Variants in GNAQ observed in about 807,000 individuals in gnomAD.
GNAQ encodes the protein G protein subunit alpha q.
In GNAQ, 8 loss-of-function variants were observed where a neutral mutation model predicts 43.9. The observed-to-expected ratio is 0.18, with a 90% CI of 0.11 to 0.33. The LOEUF is 0.33. GNAQ is among the 10% of genes least tolerant of loss of function. The pLI, the probability that GNAQ is intolerant of heterozygous loss-of-function variation, is 1.00. For synonymous variants in GNAQ, 155 were observed against 170.7 expected, an observed-to-expected ratio of 0.91 and a Z score of 0.71; for missense variants, 158 against 450.8, an observed-to-expected ratio of 0.35 and a Z score of 5.88.
At chr9:78,018,586 G>C (rs1241063848) in intron 1 of GNAQ, among the ~76,000 whole-genome samples, 1 of 152,054 alleles carries the variant, frequency 6.6e-6, no homozygotes, top group Non-Finnish European at 1.5e-5. Flanking sequence ...TCTTAAGAAT[G>C]TCAGAACATT....
rs188262436 is a variant in GNAQ, at chr9:77,806,774, G to T, written c.476+8842C>A. Among the ~76,000 whole-genome samples the T allele has an allele frequency of 7.2e-5, 11 of 152,290 alleles. No individual in the cohort carries two copies. In the East Asian group the frequency reaches 1.9e-3, roughly 27 times the overall value. ...TTACGGAAAGTCTACAGTAAGCTAG[G>T]CACTAGGCTTAGGCTGAGCGTGAAC... is the stretch of plus-strand genomic sequence containing the variant. On this transcript the variant is annotated intron_variant, in intron 3 of 6. Transcript: ENST00000286548.
chr9:77,982,915 T>C (rs533985070), intron 1 of GNAQ, among the ~76,000 whole-genome samples: 1 of 152,210 alleles, frequency 6.6e-6, no homozygotes, highest in African/African-American at 2.4e-5. Flanking sequence ...AAATGCACGT[T>C]GTGCACATGT....
At chr9:77,902,604 T>C (rs1196807097) in intron 2 of GNAQ, among the ~76,000 whole-genome samples, 1 of 152,232 alleles carries the variant, frequency 6.6e-6, no homozygotes, top group Non-Finnish European at 1.5e-5. Flanking sequence ...AAGATCAAGA[T>C]GGTTTTCATA....
chr9:77,816,217 T>C (rs144632738), intron 2 of GNAQ, among the ~76,000 whole-genome samples: 25 of 152,274 alleles, frequency 1.6e-4, no homozygotes, highest in African/African-American at 6.0e-4. Context: ...AGAAACTCAA[T>C]CAGAATCCTC....
chr9:77,797,466 A>C, intron 4 of GNAQ, 54 bp downstream of exon 4: 1 of 1,400,832 alleles, frequency 7.1e-7, no homozygotes, highest in South Asian at 1.2e-5. Context: ...GAGTTTACCA[A>C]ATGTACTCAA....
At chr9:77,847,392 C>T (rs1210828134) in intron 2 of GNAQ, among the ~76,000 whole-genome samples, 1 of 152,146 alleles carries the variant, frequency 6.6e-6, no homozygotes, top group Admixed American at 6.5e-5. Flanking sequence ...GTTGCCAGTG[C>T]CACGAAAAAC....
chr9:77,993,052 T>C (rs1221668936), intron 1 of GNAQ, among the ~76,000 whole-genome samples: 1 of 152,214 alleles, frequency 6.6e-6, no homozygotes, highest in Non-Finnish European at 1.5e-5. Flanking sequence ...ATTCCAATAT[T>C]GTTAGCTAAA....
In GNAQ at chr9:77,829,605, C is replaced by T. The variant is rs542199337; in HGVS notation, c.322-13835G>A. Reference sequence around the variant, plus strand: ...TCTCGACACAGCTGCAGCTTTGTGGCCCACCCGCAGCCTTGAGAGCCCAAG... The same window carrying T: ...TCTCGACACAGCTGCAGCTTTGTGGTCCACCCGCAGCCTTGAGAGCCCAAG... On this transcript the variant is annotated intron_variant, in intron 2 of 6. Coordinates refer to ENST00000286548, the MANE Select transcript of GNAQ (RefSeq NM_002072.5). Among the ~76,000 whole-genome samples, 19 of 152,262 alleles carry T rather than the reference C, an allele frequency of 1.2e-4. 1 individual carries two copies. The highest frequency in any genetic ancestry group is 4.6e-4 in the African/African-American group (19 of 41,542).
At chr9:77,748,167 A>C (rs1337401978) in intron 5 of GNAQ, among the ~76,000 whole-genome samples, 2 of 152,358 alleles carry the variant, frequency 1.3e-5, no homozygotes, top group East Asian at 3.9e-4. Context: ...TGAAAGACAT[A>C]ATAACGGAAT....
At chr9:77,800,819 C>T (rs1826733627) in intron 3 of GNAQ, among the ~76,000 whole-genome samples, 1 of 152,164 alleles carries the variant, frequency 6.6e-6, no homozygotes, top group African/African-American at 2.4e-5. Flanking sequence ...AATTTATCAG[C>T]TTCTTGATTT....
At position 77,720,768 on chromosome 9, in the gene GNAQ, G is replaced by C. The variant is rs780389784; in HGVS notation, c.*555C>G. The C allele has an allele frequency of 2.6e-5, 6 of 233,210 alleles. No individual in the cohort carries two copies. Among genetic ancestry groups the C allele is most frequent in the Middle Eastern group, 1.2e-3 (1 of 804 alleles). 14.4% of individuals were successfully genotyped at this position (233,210 alleles called of 1,614,324 possible). A position where few individuals can be genotyped will look rare whatever the true frequency, so the allele number is the denominator to read the frequency against. Reference sequence around the variant, plus strand: ...TATCCAAAGCAACACATTTAAAACCGTAAGTATTAATACATATAATCCTTC... The same window carrying C: ...TATCCAAAGCAACACATTTAAAACCCTAAGTATTAATACATATAATCCTTC... On this transcript the variant is annotated 3_prime_UTR_variant, in exon 7 of 7. Coordinates refer to ENST00000286548, the MANE Select transcript of GNAQ (RefSeq NM_002072.5).
intron 5 of GNAQ, among the ~76,000 whole-genome samples, chr9:77,750,034 C>A (rs1309595229): frequency 6.6e-6 from 1 of 151,848 alleles, no homozygotes; most frequent in Non-Finnish European, 1.5e-5. Flanking sequence ...GTCTCTGTGG[C>A]CAAATGAATA....
intron 2 of GNAQ, among the ~76,000 whole-genome samples, chr9:77,868,318 C>T (rs1186500215): frequency 6.6e-6 from 1 of 152,132 alleles, no homozygotes; most frequent in Non-Finnish European, 1.5e-5. Context: ...CCTTTTCAAG[C>T]AAAAGGCCAA....
At chr9:77,770,893 T>C (rs1386554135) in intron 5 of GNAQ, among the ~76,000 whole-genome samples, 2 of 152,198 alleles carry the variant, frequency 1.3e-5, no homozygotes, top group Non-Finnish European at 2.9e-5. Flanking sequence ...AGATTTTTAT[T>C]TTTCAGATCA....
chr9:77,862,433 A>G (rs1008286679), intron 2 of GNAQ, among the ~76,000 whole-genome samples: 1 of 152,172 alleles, frequency 6.6e-6, no homozygotes, highest in African/African-American at 2.4e-5. Flanking sequence ...GTGCACATGC[A>G]GGCTAATACT....
intron 4 of GNAQ, 81 bp from the exon 5 acceptor site, chr9:77,794,673 C>A: frequency 1.4e-6 from 1 of 718,908 alleles, no homozygotes; most frequent in Non-Finnish European, 2.2e-6. Flanking sequence ...TACTTACAAA[C>A]TTAGGGAAAA....
chr9:77,880,609 AG>A (rs1461958071), intron 2 of GNAQ, among the ~76,000 whole-genome samples: 1 of 147,840 alleles, frequency 6.8e-6, no homozygotes, highest in African/African-American at 2.5e-5. Context: ...TATGTTGCCC[AG>A]GGTGGCATAT....
intron 5 of GNAQ, among the ~76,000 whole-genome samples, chr9:77,730,942 A>G (rs1269668553): frequency 1.3e-5 from 2 of 152,208 alleles, no homozygotes; most frequent in African/African-American, 4.8e-5. Flanking sequence ...CCCTGATGGG[A>G]GAGTGGTGTT....
chr9:77,718,374 T>C lies in GNAQ; in HGVS notation c.*2949A>G, dbSNP rs1044865884. Reference sequence around the variant, plus strand: ...CGAAGAAACAAAAAAGAAAATCCTTTAGCTTCGATTGACTGGTGTGGCTAA... The same window carrying C: ...CGAAGAAACAAAAAAGAAAATCCTTCAGCTTCGATTGACTGGTGTGGCTAA... On this transcript the variant is annotated 3_prime_UTR_variant, in exon 7 of 7. Transcript: ENST00000286548. The C allele has an allele frequency of 1.7e-5, 4 of 232,264 alleles. No individual in the cohort carries two copies. Among genetic ancestry groups the C allele is most frequent in the Non-Finnish European group, 2.6e-5 (3 of 117,480 alleles). 14.4% of individuals were successfully genotyped at this position (232,264 alleles called of 1,614,324 possible).
Sources: gnomAD v4.1 joint callset for allele counts (sites outside exome capture counted in the v4.1 genomes callset) on GRCh38, gnomAD v4.1.1 for gene constraint, MANE v1.5 for transcripts, NCBI Gene and HGNC (gene_info 2026-07-23, HGNC 2026-07-21) for gene names.